LMCD1: variants seen among roughly 807,000 people sequenced by gnomAD.
The protein encoded by LMCD1 is LIM and cysteine rich domains 1.
Under a neutral mutation model 42.7 loss-of-function variants are expected in LMCD1, and 32 were observed. The ratio of observed to expected loss-of-function variants is 0.75; its 90% CI spans 0.57 to 1.01. The LOEUF (loss-of-function observed/expected upper bound fraction) is 1.01. Among genes scored for constraint, LMCD1 ranks in the 50% least tolerant of loss-of-function variants. LMCD1 has a pLI of 0.00. For missense variants in LMCD1, 458 were observed against 483.1 expected (o/e 0.95, Z 0.49); for synonymous variants, 178 against 184.9 (o/e 0.96, Z 0.30).
At chr3:8,528,902 C>T (rs1351301209) in intron 1 of LMCD1, among the ~76,000 whole-genome samples, 6 of 152,168 alleles carry the variant, frequency 3.9e-5, no homozygotes, top group Non-Finnish European at 8.8e-5. Flanking sequence ...TGCCACCATT[C>T]AGTTTCACGA....
chr3:8,527,815 A>G (rs911418739), intron 1 of LMCD1, among the ~76,000 whole-genome samples: 2 of 152,222 alleles, frequency 1.3e-5, no homozygotes, highest in African/African-American at 4.8e-5. Flanking sequence ...GCAAATATGA[A>G]GTGAAACTTA....
intron 4 of LMCD1, chr3:8,550,648 T>G (rs1449082718): frequency 1.0e-6 from 1 of 985,010 alleles, no homozygotes; most frequent in Non-Finnish European, 1.2e-6. Context: ...AAAGGCCCAT[T>G]TCTCAGGAAG....
chr3:8,506,699 A>C (rs984305726), intron 1 of LMCD1, among the ~76,000 whole-genome samples: 1 of 152,188 alleles, frequency 6.6e-6, no homozygotes, highest in Non-Finnish European at 1.5e-5. Flanking sequence ...TTATCTCCCA[A>C]CCATTCATCC....
chr3:8,571,090 C>T lies in LMCD1; in HGVS notation c.*3492C>T, dbSNP rs1695205954. 6.6e-6 allele frequency: 1 copy of T among 152,178 alleles called. No individual in the cohort carries two copies. The highest frequency in any genetic ancestry group is 2.4e-5 in the African/African-American group (1 of 41,436). 9.4% of individuals were successfully genotyped at this position (152,178 alleles called of 1,614,324 possible). ...CAGCAGGAAGAGGGGCTGCCATCCC[C>T]ACCCCTCCCACTCTCTAGGAAGACT... On this transcript the variant is annotated 3_prime_UTR_variant, in exon 6 of 6. Coordinates refer to ENST00000157600, the MANE Select transcript of LMCD1 (RefSeq NM_014583.4).
intron 1 of LMCD1, among the ~76,000 whole-genome samples, chr3:8,508,396 G>A (rs1693926006): frequency 6.6e-6 from 1 of 152,158 alleles, no homozygotes; most frequent in South Asian, 2.1e-4. Flanking sequence ...GCTCCATTTG[G>A]CAAGTAACTC....
chr3:8,537,581 G>A (rs1694536516), intron 3 of LMCD1, 141 bp downstream of exon 3: 2 of 892,420 alleles, frequency 2.2e-6, no homozygotes, highest in East Asian at 5.0e-5. Context: ...TTTTAGCCCT[G>A]CCCTTATATC....
At chr3:8,551,698 A>G (rs1694841866) in intron 4 of LMCD1, among the ~76,000 whole-genome samples, 1 of 152,218 alleles carries the variant, frequency 6.6e-6, no homozygotes, top group Admixed American at 6.5e-5. Flanking sequence ...GGCCACAGAC[A>G]GTGTGTTCCC....
At chr3:8,564,233 AAT>A (rs1463692951) in intron 4 of LMCD1, among the ~76,000 whole-genome samples, 6 of 152,172 alleles carry the variant, frequency 3.9e-5, no homozygotes, top group Non-Finnish European at 7.3e-5. Flanking sequence ...CTGTTTTTGC[AAT>A]TTTTCTGTAA....
At chr3:8,521,554 C>T (rs946571476) in intron 1 of LMCD1, among the ~76,000 whole-genome samples, 7 of 152,208 alleles carry the variant, frequency 4.6e-5, no homozygotes, top group East Asian at 3.9e-4. Flanking sequence ...TCTGTCCAAA[C>T]GTCCCTCACA....
intron 1 of LMCD1, among the ~76,000 whole-genome samples, chr3:8,511,709 G>C (rs760265998): frequency 1.3e-5 from 2 of 152,206 alleles, no homozygotes; most frequent in South Asian, 2.1e-4. Flanking sequence ...ATCTTGGACT[G>C]TGGAGAAATA....
intron 1 of LMCD1, among the ~76,000 whole-genome samples, chr3:8,507,604 G>A (rs898909029): frequency 2.0e-5 from 3 of 152,286 alleles, no homozygotes; most frequent in African/African-American, 7.2e-5. Context: ...AGAGAGGAAG[G>A]AAAGACATCT....
chr3:8,553,146 C>G (rs1301032480), intron 4 of LMCD1, among the ~76,000 whole-genome samples: 1 of 152,154 alleles, frequency 6.6e-6, no homozygotes, highest in Non-Finnish European at 1.5e-5. Context: ...CGGCCCCCAT[C>G]CCTGATGACA....
intron 4 of LMCD1, among the ~76,000 whole-genome samples, chr3:8,562,532 G>A (rs1695058189): frequency 6.6e-6 from 1 of 152,118 alleles, no homozygotes; most frequent in Non-Finnish European, 1.5e-5. Flanking sequence ...GGGCCTCGCT[G>A]GTCTTATCTA....
At position 8,525,969 on chromosome 3, in the gene LMCD1, G is replaced by A. The variant is rs1340285344; in HGVS notation, c.43-6768G>A. On this transcript the variant is annotated intron_variant, in intron 1 of 5. Transcript: ENST00000157600. ...TAGGGAACCACTGTTGTAGCCCCTC[G>A]ATACTCAAAGCGTGGTCCCTGGGAC... Among the ~76,000 whole-genome samples, 4 of 152,170 alleles carry A rather than the reference G, an allele frequency of 2.6e-5. No homozygotes were observed. In the East Asian group the frequency reaches 7.7e-4, roughly 29 times the overall value.
intron 4 of LMCD1, among the ~76,000 whole-genome samples, chr3:8,552,525 G>A (rs1694858233): frequency 6.6e-6 from 1 of 152,160 alleles, no homozygotes; most frequent in African/African-American, 2.4e-5. Context: ...AGTAGGTGTG[G>A]GGTGGAGCCT....
Position 8,567,448 on chromosome 3 carries a change from C to G in LMCD1, c.948C>G (p.Phe316Leu). 6.2e-7 allele frequency: 1 copy of G among 1,613,800 alleles called. No individual in the cohort carries two copies. Among genetic ancestry groups the G allele is most frequent in the Non-Finnish European group, 8.5e-7 (1 of 1,179,862 alleles). ...CCTGCTCCCCTCCCCAGATAATATT[C>G]GCTGAGGACTACCAGCGTGTGGAAG... Reference protein sequence around the residue: ...PRCSGCDEIIFAEDYQRVEDL... With the variant: ...PRCSGCDEIILAEDYQRVEDL... The change falls in exon 6 of 6, where the codon TTC (phenylalanine) becomes TTG (leucine). Residue 316 changes from phenylalanine (F) to leucine (L), a missense_variant. By Grantham distance (22) the Phe-to-Leu change is conservative. Transcript: ENST00000157600.
intron 1 of LMCD1, among the ~76,000 whole-genome samples, chr3:8,516,329 G>T (rs1327466710): frequency 9.2e-5 from 14 of 152,166 alleles, no homozygotes; most frequent in African/African-American, 3.4e-4. Flanking sequence ...CTGAAATTTA[G>T]TGCAAACCTC....
chr3:8,546,744 G>T (rs978781141), intron 3 of LMCD1, among the ~76,000 whole-genome samples: 3 of 152,200 alleles, frequency 2.0e-5, no homozygotes, highest in Non-Finnish European at 4.4e-5. Context: ...CCTTCCAGGG[G>T]CAGGGGGAGG....
chr3:8,514,931 A>G (rs12715649), intron 1 of LMCD1: 183,145 of 456,224 alleles, frequency 0.4, 40,315 homozygotes, highest in Non-Finnish European at 0.49. Context: ...CTAGATGGTG[A>G]TCACATGGGA....
Sources: allele counts gnomAD v4.1 joint callset (sites outside exome capture counted in the v4.1 genomes callset), GRCh38; gene constraint gnomAD v4.1.1; transcripts MANE v1.5; gene names NCBI Gene and HGNC (gene_info 2026-07-23, HGNC 2026-07-21).